Variants in FAM222A observed in about 807,000 individuals in gnomAD.
FAM222A encodes the protein family with sequence similarity 222 member A.
In FAM222A, 7 loss-of-function variants were observed where a neutral mutation model predicts 25.8. The observed-to-expected ratio is 0.27, with a 90% CI of 0.15 to 0.51. The LOEUF is 0.51. Among genes scored for constraint, FAM222A ranks in the 20% least tolerant of loss-of-function variants. FAM222A has a pLI of 0.97. For synonymous variants in FAM222A, 294 were observed against 298.8 expected (o/e 0.98, Z 0.17); for missense variants, 573 against 640.5 (o/e 0.89, Z 1.14).
intron 2 of FAM222A, among the ~76,000 whole-genome samples, chr12:109,767,496 T>C (rs2136390329): frequency 6.6e-6 from 1 of 152,228 alleles, no homozygotes; most frequent in South Asian, 2.1e-4. Context: ...ACCCTGTCTC[T>C]AAAAGAACAG....
At chr12:109,727,260 C>A (rs1264641702) in intron 1 of FAM222A, among the ~76,000 whole-genome samples, 1 of 152,092 alleles carries the variant, frequency 6.6e-6, no homozygotes, top group Non-Finnish European at 1.5e-5. Flanking sequence ...GCGGTGCAGC[C>A]TGGCCGGCCA....
At chr12:109,723,157 C>A (rs899253142) in intron 1 of FAM222A, among the ~76,000 whole-genome samples, 10 of 152,050 alleles carry the variant, frequency 6.6e-5, no homozygotes, top group Admixed American at 3.3e-4. Context: ...CATTTTGAGC[C>A]CGGGGTGGAT....
At chr12:109,729,019 T>G (rs1361677585) in intron 1 of FAM222A, among the ~76,000 whole-genome samples, 1 of 149,650 alleles carries the variant, frequency 6.7e-6, no homozygotes, top group Non-Finnish European at 1.5e-5. Context: ...ACAGGTCACA[T>G]GGCTGCCCAG....
At position 109,713,865 on chromosome 12, in the gene FAM222A, G is replaced by A. The variant is rs913741110; in HGVS notation, c.-1079G>A. On this transcript the variant is annotated 5_prime_UTR_variant, in exon 1 of 3. Transcript: ENST00000538780. ...GAGCAGCGGGCAGGACTGCCTGGCC[G>A]GCTGCTCCGCGGAGAGGCTGCGCGC... Among the ~76,000 whole-genome samples the A allele has an allele frequency of 4.0e-5, 6 of 149,206 alleles. No individual in the cohort carries two copies. The highest frequency in any genetic ancestry group is 9.0e-5 in the Non-Finnish European group (6 of 66,908).
Position 109,744,150 on chromosome 12 carries a change from C to T in FAM222A, c.4C>T (p.Leu2=). Residue 2 remains leucine (L), a synonymous_variant, in exon 2 of 3, where the codon CTG becomes TTG. Transcript: ENST00000538780. Reference sequence around the variant, plus strand: ...ACTGGGGACCCCCAGCTCAGCCATGCTGGCCTGTCTGCAGAGGACCCAGAA... The same window carrying T: ...ACTGGGGACCCCCAGCTCAGCCATGTTGGCCTGTCTGCAGAGGACCCAGAA... The part of the protein sequence containing the change: M[L]ACLQRTQNAP... 1 of 1,613,048 alleles carries T rather than the reference C, an allele frequency of 6.2e-7. No homozygotes were observed. Among genetic ancestry groups the T allele is most frequent in the East Asian group, 2.2e-5 (1 of 44,880 alleles).
In FAM222A at chr12:109,769,617, T is replaced by G; in HGVS notation, c.*329T>G. On this transcript the variant is annotated 3_prime_UTR_variant, in exon 3 of 3. Transcript: ENST00000538780. Reference sequence around the variant, plus strand: ...AAACAGGAATGGTTCTTTCTGGGCCTCCTGGGACAGGGGCCCAGGCCAAGG... The same window carrying G: ...AAACAGGAATGGTTCTTTCTGGGCCGCCTGGGACAGGGGCCCAGGCCAAGG... 8.8e-6 allele frequency: 3 copies of G among 340,232 alleles called. No individual in the cohort carries two copies. The highest frequency in any genetic ancestry group is 1.1e-5 in the Non-Finnish European group (2 of 184,508). The allele number at this position is 340,232 out of a possible 1,614,324, so 21.1% of individuals were successfully genotyped here. A position where few individuals can be genotyped will look rare whatever the true frequency, so the allele number is the denominator to read the frequency against.
chr12:109,751,057 T>TCCAG (rs1382132111), intron 2 of FAM222A, among the ~76,000 whole-genome samples: 1 of 152,214 alleles, frequency 6.6e-6, no homozygotes, highest in Non-Finnish European at 1.5e-5. Context: ...CCTTGGGGAC[T>TCCAG]CCAGTTAAGC....
At position 109,768,198 on chromosome 12, in the gene FAM222A, G is replaced by A. The variant is rs1467186691; in HGVS notation, c.269G>A (p.Ser90Asn). The A allele has an allele frequency of 6.2e-7, 1 of 1,613,266 alleles. No homozygotes were observed. Among genetic ancestry groups the A allele is most frequent in the Non-Finnish European group, 8.5e-7 (1 of 1,179,892 alleles). ...NGYDTSGQRY[S>N]PYPQHTAGYQ... is the part of the protein sequence containing the mutation. The stretch of plus-strand genomic sequence containing the variant: ...TATGACACCAGTGGCCAGCGCTACA[G>A]CCCCTACCCACAGCACACCGCTGGC... Residue 90 changes from serine to asparagine, a missense_variant, in exon 3 of 3, where the codon AGC becomes AAC. Physicochemically the swap from Ser to Asn is conservative, Grantham distance 46. Around this residue, in one of 3 missense-constraint regions of FAM222A, gnomAD observed 112 missense variants for 154.6 expected, o/e 0.72. Coordinates refer to ENST00000538780, the MANE Select transcript of FAM222A (RefSeq NM_032829.3).
intron 1 of FAM222A, among the ~76,000 whole-genome samples, chr12:109,725,959 C>CT (rs2136321382): frequency 6.6e-6 from 1 of 152,046 alleles, no homozygotes; most frequent in Non-Finnish European, 1.5e-5. Flanking sequence ...TTTGGCCGCC[C>CT]TGAGCTGGTG....
chr12:109,725,274 C>A (rs1379280066), intron 1 of FAM222A, among the ~76,000 whole-genome samples: 1 of 152,134 alleles, frequency 6.6e-6, no homozygotes, highest in African/African-American at 2.4e-5. Flanking sequence ...CTCCCTGAAT[C>A]CTCACCAGAC....
intron 1 of FAM222A, chr12:109,736,054 G>C (rs986305261): frequency 6.6e-6 from 1 of 152,376 alleles, no homozygotes; most frequent in Admixed American, 6.5e-5. Context: ...CCTTCTCTGA[G>C]TCCCTGTCCT....
intron 2 of FAM222A, among the ~76,000 whole-genome samples, chr12:109,763,819 A>C (rs1040406408): frequency 3.9e-5 from 6 of 152,236 alleles, no homozygotes; most frequent in African/African-American, 1.4e-4. Context: ...GTGGCAGATC[A>C]TGGAGGCCAG....
In FAM222A at chr12:109,769,964, T is replaced by G. The variant is rs1889195807; in HGVS notation, c.*676T>G. 1 of 152,138 alleles carries G rather than the reference T, an allele frequency of 6.6e-6. No homozygotes were observed. Among genetic ancestry groups the G allele is most frequent in the South Asian group, 2.1e-4 (1 of 4,818 alleles). 9.4% of individuals were successfully genotyped at this position (152,138 alleles called of 1,614,324 possible). ...TATTCCCCCTTCCCTCCAATACATC[T>G]TATAGGGCTGCTGGGTACAGTTGTT... On this transcript the variant is annotated 3_prime_UTR_variant, in exon 3 of 3. Transcript: ENST00000538780.
At chr12:109,720,296 T>A in intron 1 of FAM222A, 1 of 600,318 alleles carries the variant, frequency 1.7e-6, no homozygotes, top group Non-Finnish European at 2.1e-6. Context: ...GATGGGGACT[T>A]AATGACGCAG....
At chr12:109,747,056 G>A in intron 2 of FAM222A, among the ~76,000 whole-genome samples, 1 of 152,112 alleles carries the variant, frequency 6.6e-6, no homozygotes, top group South Asian at 2.1e-4. Context: ...TTACAGATTT[G>A]GGAATACTTT....
At chr12:109,733,058 G>A (rs553383810) in intron 1 of FAM222A, among the ~76,000 whole-genome samples, 67 of 152,306 alleles carry the variant, frequency 4.4e-4, no homozygotes, top group Non-Finnish European at 6.8e-4. Flanking sequence ...AGGGTCTCTC[G>A]GAGGAGGTGA....
intron 2 of FAM222A, among the ~76,000 whole-genome samples, chr12:109,746,573 C>G (rs990129163): frequency 6.6e-6 from 1 of 152,038 alleles, no homozygotes; most frequent in Middle Eastern, 3.4e-3. Context: ...TAAATACATT[C>G]AAGTATCAGT....
intron 2 of FAM222A, among the ~76,000 whole-genome samples, chr12:109,754,522 T>C (rs1248206483): frequency 6.6e-6 from 1 of 152,262 alleles, no homozygotes; most frequent in Non-Finnish European, 1.5e-5. Context: ...ACAGTTTCTT[T>C]TGTAATTTAT....
chr12:109,719,504 A>T (rs1280772179), intron 1 of FAM222A, among the ~76,000 whole-genome samples: 1 of 152,230 alleles, frequency 6.6e-6, no homozygotes, highest in African/African-American at 2.4e-5. Context: ...GATGGCCCAC[A>T]GCCTCTAGAG....
Sources: allele counts gnomAD v4.1 joint callset (sites outside exome capture counted in the v4.1 genomes callset), GRCh38; gene constraint gnomAD v4.1.1; regional missense constraint gnomAD v4.1.1; transcripts MANE v1.5; gene names NCBI Gene and HGNC (gene_info 2026-07-23, HGNC 2026-07-21).